The following NSG2 variants were observed in gnomAD, a reference collection of about 807,000 sequenced individuals.
NSG2 encodes the protein neuronal vesicle trafficking associated 2.
NSG2 carries 4 observed loss-of-function variants against 16.9 expected under a neutral mutation model. The ratio of observed to expected loss-of-function variants is 0.24; its 90% CI spans 0.12 to 0.54. The LOEUF (loss-of-function observed/expected upper bound fraction) is 0.54. NSG2 is among the 20% of genes least tolerant of loss of function. NSG2 has a pLI of 0.95. For synonymous variants in NSG2, 98 were observed against 88.7 expected, an observed-to-expected ratio of 1.11 and a Z score of -0.59; for missense variants, 179 against 221.1, an observed-to-expected ratio of 0.81 and a Z score of 1.21.
At chr5:174,106,301 G>T (rs542940725) in intron 4 of NSG2, among the ~76,000 whole-genome samples, 1 of 152,296 alleles carries the variant, frequency 6.6e-6, no homozygotes, top group East Asian at 1.9e-4. Context: ...AAAACAAGAG[G>T]TTCGTTGTTT....
chr5:174,049,165 G>C (rs12519299), intron 2 of NSG2, among the ~76,000 whole-genome samples: 23,909 of 151,888 alleles, frequency 0.16, 2,465 homozygotes, highest in African/African-American at 0.29. Flanking sequence ...CGGTGAAACC[G>C]CGTCTCTACT....
intron 3 of NSG2, among the ~76,000 whole-genome samples, chr5:174,070,519 C>T (rs899788772): frequency 6.6e-6 from 1 of 152,144 alleles, no homozygotes; most frequent in Admixed American, 6.5e-5. Flanking sequence ...TCTTGGTCTC[C>T]CTCCCTTTTC....
intron 4 of NSG2, among the ~76,000 whole-genome samples, chr5:174,104,790 C>T (rs1760951629): frequency 6.6e-6 from 1 of 152,208 alleles, no homozygotes; most frequent in Non-Finnish European, 1.5e-5. Flanking sequence ...TCTGATTAAA[C>T]TCCTTCTCTG....
At chr5:174,098,395 G>A (rs1443697880) in intron 3 of NSG2, among the ~76,000 whole-genome samples, 7 of 151,990 alleles carry the variant, frequency 4.6e-5, no homozygotes, top group African/African-American at 1.7e-4. Flanking sequence ...CAAAGCCCTA[G>A]GGGGCTGGAC....
At chr5:174,046,929 A>C in intron 2 of NSG2, 45 bp downstream of exon 2, 1 of 1,587,856 alleles carries the variant, frequency 6.3e-7, no homozygotes, top group Non-Finnish European at 8.6e-7. Flanking sequence ...GGCTCCCCCC[A>C]TCTCAGGAAA....
At chr5:174,058,729 G>C (rs1047596770) in intron 2 of NSG2, among the ~76,000 whole-genome samples, 4 of 152,242 alleles carry the variant, frequency 2.6e-5, no homozygotes, top group African/African-American at 9.6e-5. Flanking sequence ...GATGAAGGCA[G>C]AGCACTGTCC....
intron 2 of NSG2, among the ~76,000 whole-genome samples, chr5:174,054,893 C>T (rs1467998909): frequency 3.3e-5 from 5 of 152,218 alleles, no homozygotes; most frequent in African/African-American, 7.2e-5. Context: ...ACCACTTTGA[C>T]CCTCTGTTTC....
intron 2 of NSG2, among the ~76,000 whole-genome samples, chr5:174,052,352 G>A (rs1428947309): frequency 6.6e-6 from 1 of 152,072 alleles, no homozygotes; most frequent in East Asian, 1.9e-4. Context: ...TGATTGGGAG[G>A]AGAATTTGCT....
chr5:174,080,513 C>CTCTTTCTT (rs569500083), intron 3 of NSG2, among the ~76,000 whole-genome samples: 2 of 128,152 alleles, frequency 1.6e-5, no homozygotes, highest in African/African-American at 5.7e-5. Context: ...CTTTCTTTCC[C>CTCTTTCTT]TCTTTCTTTC....
Position 174,108,040 on chromosome 5 carries a change from C to A in NSG2, c.*535C>A, listed in dbSNP as rs924982493. On this transcript the variant is annotated 3_prime_UTR_variant, in exon 5 of 5. Coordinates refer to ENST00000303177, the MANE Select transcript of NSG2 (RefSeq NM_015980.5). ...AGGCCCGCAGGAAATGAGGAATGGC[C>A]GAGCTGGAGAGAAGAGCTGATTTTG... 1 of 303,362 alleles carries A rather than the reference C, an allele frequency of 3.3e-6. No homozygotes were observed. Among genetic ancestry groups the A allele is most frequent in the East Asian group, 1.0e-4 (1 of 9,960 alleles). 18.8% of individuals were successfully genotyped at this position (303,362 alleles called of 1,614,324 possible).
chr5:174,052,863 C>A (rs1198333238), intron 2 of NSG2, among the ~76,000 whole-genome samples: 1 of 152,202 alleles, frequency 6.6e-6, no homozygotes, highest in Admixed American at 6.5e-5. Flanking sequence ...GCACAACCCA[C>A]CTTGGCAGAG....
intron 4 of NSG2, among the ~76,000 whole-genome samples, chr5:174,106,882 C>G (rs12514077): frequency 0.13 from 19,089 of 151,886 alleles, 1,712 homozygotes; most frequent in African/African-American, 0.25. Context: ...CGTGAGCCAC[C>G]GCATCCGGCA....
intron 4 of NSG2, among the ~76,000 whole-genome samples, chr5:174,106,573 G>C (rs1248317023): frequency 6.9e-6 from 1 of 144,998 alleles, no homozygotes; most frequent in African/African-American, 2.6e-5. Context: ...AATGTTGTTA[G>C]GAATGAAGCC....
intron 3 of NSG2, among the ~76,000 whole-genome samples, chr5:174,098,043 G>T (rs960293997): frequency 1.3e-5 from 2 of 152,118 alleles, no homozygotes; most frequent in Non-Finnish European, 2.9e-5. Flanking sequence ...GGGTGATGGG[G>T]ATGCAGTGTG....
intron 3 of NSG2, among the ~76,000 whole-genome samples, chr5:174,087,617 A>C (rs1010633448): frequency 5.3e-5 from 8 of 151,658 alleles, no homozygotes; most frequent in African/African-American, 9.7e-5. Flanking sequence ...CCATCTCTAC[A>C]AAAAAATAAT....
At position 174,108,536 on chromosome 5, in the gene NSG2, A is replaced by G. The variant is rs1761021066; in HGVS notation, c.*1031A>G. The G allele has an allele frequency of 6.6e-6, 1 of 152,416 alleles. No homozygotes were observed. The highest frequency in any genetic ancestry group is 2.4e-5 in the African/African-American group (1 of 41,474). 9.4% of individuals were successfully genotyped at this position (152,416 alleles called of 1,614,324 possible). ...AGGAAGAGACCTGAAGGTTGGGGCC[A>G]CCACAATGCCAAATCGTTTCTAAAG... On this transcript the variant is annotated 3_prime_UTR_variant, in exon 5 of 5. Coordinates refer to ENST00000303177, the MANE Select transcript of NSG2 (RefSeq NM_015980.5).
intron 3 of NSG2, chr5:174,082,671 G>A (rs1760503776): frequency 6.6e-6 from 1 of 152,188 alleles, no homozygotes; most frequent in South Asian, 2.1e-4. Context: ...TACTTAGATA[G>A]TATATGTAAA....
intron 3 of NSG2, among the ~76,000 whole-genome samples, chr5:174,071,643 G>A (rs1342155524): frequency 6.6e-6 from 1 of 152,200 alleles, no homozygotes; most frequent in East Asian, 1.9e-4. Context: ...TCCACTCTTT[G>A]GGCTCCTGCC....
chr5:174,059,601 CA>C (rs1760018444), intron 2 of NSG2, among the ~76,000 whole-genome samples: 2 of 152,140 alleles, frequency 1.3e-5, no homozygotes, highest in African/African-American at 4.8e-5. Context: ...AAAACCCAGC[CA>C]AAATTATATT....
Sources: allele counts gnomAD v4.1 joint callset (sites outside exome capture counted in the v4.1 genomes callset), GRCh38; gene constraint gnomAD v4.1.1; transcripts MANE v1.5; gene names NCBI Gene and HGNC (gene_info 2026-07-23, HGNC 2026-07-21).